Variants in FAM13A observed in about 807,000 individuals in gnomAD.
FAM13A encodes the protein family with sequence similarity 13 member A, also known as protein FAM13A.
In FAM13A, 76 loss-of-function variants were observed where a neutral mutation model predicts 129.6. The ratio of observed to expected loss-of-function variants is 0.59; its 90% CI spans 0.49 to 0.71. The LOEUF (loss-of-function observed/expected upper bound fraction) is 0.71, where lower values mean the gene tolerates loss of function less well. Ranked by LOEUF, FAM13A falls within the 30% of genes least tolerant of loss-of-function variation. The pLI, the probability that FAM13A is intolerant of heterozygous loss-of-function variation, is 0.00. For synonymous variants in FAM13A, 443 were observed against 449.9 expected, an observed-to-expected ratio of 0.98 and a Z score of 0.20; for missense variants, 1,108 against 1,249.3, an observed-to-expected ratio of 0.89 and a Z score of 1.70.
chr4:89,024,966 T>G (rs981393740), intron 2 of FAM13A, among the ~76,000 whole-genome samples: 2 of 152,208 alleles, frequency 1.3e-5, no homozygotes, highest in African/African-American at 4.8e-5. Context: ...CTGATTTAAC[T>G]TAATAAAATG....
At chr4:88,947,736 T>C (rs957905723) in intron 4 of FAM13A, among the ~76,000 whole-genome samples, 1 of 148,808 alleles carries the variant, frequency 6.7e-6, no homozygotes, top group African/African-American at 2.6e-5. Flanking sequence ...GCTTATTCTA[T>C]AATAGAATGA....
chr4:88,987,035 T>G (rs1006704543), intron 4 of FAM13A, among the ~76,000 whole-genome samples: 3 of 152,208 alleles, frequency 2.0e-5, no homozygotes, highest in Non-Finnish European at 4.4e-5. Flanking sequence ...AATTCCATCC[T>G]GAGACATCAT....
chr4:88,753,883 CCGGTTTTGAGGATGTATTCACCGA>C (rs1743131652), intron 14 of FAM13A, among the ~76,000 whole-genome samples: 1 of 152,132 alleles, frequency 6.6e-6, no homozygotes, highest in African/African-American at 2.4e-5. Context: ...GCCTAGAGAG[CCGGTTTTGAGGATGTATTCACCGA>C]CCATTCCCTG....
At chr4:88,946,276 C>T (rs988887704) in intron 4 of FAM13A, among the ~76,000 whole-genome samples, 4 of 151,748 alleles carry the variant, frequency 2.6e-5, no homozygotes, top group Non-Finnish European at 4.4e-5. Context: ...AGGGCAGATG[C>T]ATCAGGTTAT....
intron 6 of FAM13A, among the ~76,000 whole-genome samples, chr4:88,901,668 T>C (rs1054999550): frequency 6.6e-6 from 1 of 150,642 alleles, no homozygotes; most frequent in Admixed American, 6.6e-5. Flanking sequence ...TAGCACTAAA[T>C]GCCTAACATC....
chr4:89,013,984 G>A (rs947529968), intron 3 of FAM13A, among the ~76,000 whole-genome samples: 6 of 152,152 alleles, frequency 3.9e-5, no homozygotes. Context: ...GTGTGGGCAT[G>A]GGGGTAAGTA....
intron 2 of FAM13A, among the ~76,000 whole-genome samples, chr4:89,024,588 A>G (rs1579822703): frequency 1.3e-5 from 2 of 152,218 alleles, no homozygotes; most frequent in East Asian, 3.8e-4. Flanking sequence ...GGTCACCCCT[A>G]TAGTCCCATT....
At chr4:88,851,281 A>T in intron 6 of FAM13A, 98 bp from the exon 7 acceptor site, 1 of 1,137,490 alleles carries the variant, frequency 8.8e-7, no homozygotes. Flanking sequence ...CCAATTTTGC[A>T]ATAATCCAAT....
At chr4:89,019,692 C>T (rs1766980022) in intron 3 of FAM13A, among the ~76,000 whole-genome samples, 2 of 141,136 alleles carry the variant, frequency 1.4e-5, no homozygotes, top group Non-Finnish European at 3.0e-5. Flanking sequence ...ACCCAGGAGG[C>T]AGAAGTTGCA....
At chr4:89,010,310 G>A (rs539874635) in intron 3 of FAM13A, among the ~76,000 whole-genome samples, 10 of 152,220 alleles carry the variant, frequency 6.6e-5, no homozygotes, top group African/African-American at 1.9e-4. Context: ...GCTTTGTACC[G>A]AATAAACTCT....
intron 6 of FAM13A, among the ~76,000 whole-genome samples, chr4:88,892,903 A>G (rs990769433): frequency 6.6e-6 from 1 of 152,000 alleles, no homozygotes; most frequent in African/African-American, 2.4e-5. Context: ...TATTAAAAAA[A>G]TCTTTTATAC....
chr4:88,842,963 TTTG>T (rs1736069412), intron 7 of FAM13A, among the ~76,000 whole-genome samples: 1 of 152,192 alleles, frequency 6.6e-6, no homozygotes. Context: ...GAGACTTTCA[TTTG>T]GAAAGGAGAC....
chr4:88,886,007 A>AG (rs1410558197), intron 6 of FAM13A, among the ~76,000 whole-genome samples: 3 of 151,684 alleles, frequency 2.0e-5, no homozygotes, highest in Admixed American at 2.0e-4. Flanking sequence ...CAAAAAATAA[A>AG]AAAAAAAAAT....
intron 2 of FAM13A, among the ~76,000 whole-genome samples, chr4:89,026,204 T>C (rs1431153660): frequency 6.6e-6 from 1 of 152,210 alleles, no homozygotes; most frequent in East Asian, 1.9e-4. Context: ...ACAGCCTCAC[T>C]CAAAACCAAG....
intron 1 of FAM13A, among the ~76,000 whole-genome samples, chr4:89,054,869 C>T (rs141001011): frequency 2.0e-5 from 3 of 152,180 alleles, no homozygotes; most frequent in Non-Finnish European, 4.4e-5. Context: ...CTCAGGGAAA[C>T]GCTGTCCCAG....
chr4:88,891,126 G>GA (rs1212526310), intron 6 of FAM13A, among the ~76,000 whole-genome samples: 1 of 152,138 alleles, frequency 6.6e-6, no homozygotes, highest in Non-Finnish European at 1.5e-5. Context: ...TCAGAGATTA[G>GA]AAAAAAGGGA....
At chr4:89,035,641 G>A (rs1579872213) in intron 1 of FAM13A, among the ~76,000 whole-genome samples, 1 of 152,288 alleles carries the variant, frequency 6.6e-6, no homozygotes, top group East Asian at 1.9e-4. Flanking sequence ...GGAAGGGCTG[G>A]GTGGGAGGTG....
chr4:88,863,779 T>A (rs1410696860), intron 6 of FAM13A, among the ~76,000 whole-genome samples: 1 of 151,774 alleles, frequency 6.6e-6, no homozygotes, highest in African/African-American at 2.4e-5. Flanking sequence ...AGAAAAAGAG[T>A]TTTGTTTATG....
At chr4:88,842,100 A>T (rs553344291) in intron 7 of FAM13A, among the ~76,000 whole-genome samples, 2 of 152,374 alleles carry the variant, frequency 1.3e-5, no homozygotes, top group East Asian at 3.9e-4. Context: ...GTACTGATAC[A>T]TGCTACAACA....
Sources: gnomAD v4.1 joint callset for allele counts (sites outside exome capture counted in the v4.1 genomes callset) on GRCh38, gnomAD v4.1.1 for gene constraint, MANE v1.5 for transcripts, NCBI Gene and HGNC (gene_info 2026-07-23, HGNC 2026-07-21) for gene names.